The following SLC8A2 variants were observed in gnomAD, a reference collection of about 807,000 sequenced individuals.
The protein encoded by SLC8A2 is solute carrier family 8 member A2, also known as sodium/calcium exchanger 2.
Under a neutral mutation model 70.2 loss-of-function variants are expected in SLC8A2, and 14 were observed. That is an observed-to-expected ratio of 0.20 (90% CI 0.13 to 0.31). SLC8A2 has a LOEUF of 0.31. SLC8A2 is among the 10% of genes least tolerant of loss of function. The probability of loss-of-function intolerance (pLI) is 1.00; values close to 1 mark genes in which losing one functional copy is unlikely to be tolerated. For missense variants in SLC8A2, 779 were observed against 1,320.1 expected (o/e 0.59, Z 6.35); for synonymous variants, 575 against 594.3 (o/e 0.97, Z 0.47).
chr19:47,469,384 G>A (rs116143244), intron 1 of SLC8A2, among the ~76,000 whole-genome samples: 2,256 of 152,218 alleles, frequency 0.015, 40 homozygotes, highest in Middle Eastern at 0.054. Flanking sequence ...TTCTTCTAAA[G>A]CATCAAACCA....
chr19:47,450,879 G>C (rs1266008241), intron 3 of SLC8A2, among the ~76,000 whole-genome samples: 1 of 152,218 alleles, frequency 6.6e-6, no homozygotes, highest in East Asian at 1.9e-4. Flanking sequence ...AGCACCCAGA[G>C]GCACAGTTAG....
intron 4 of SLC8A2, among the ~76,000 whole-genome samples, chr19:47,445,235 AGTAGCTGGGATTACAG>A (rs960275942): frequency 6.6e-6 from 1 of 152,066 alleles, no homozygotes; most frequent in African/African-American, 2.4e-5. Flanking sequence ...CAGCCTCCCG[AGTAGCTGGGATTACAG>A]GTGCATGCCA....
At chr19:47,452,445 A>AGAGAGAGAGTGT (rs1568444583) in intron 3 of SLC8A2, among the ~76,000 whole-genome samples, 1 of 54,060 alleles carries the variant, frequency 1.8e-5, no homozygotes, top group Admixed American at 2.9e-4. Context: ...AGAGAGAGAG[A>AGAGAGAGAGTGT]GTGTGTGTGT....
intron 4 of SLC8A2, among the ~76,000 whole-genome samples, chr19:47,443,883 C>G (rs1457926966): frequency 6.6e-6 from 1 of 152,082 alleles, no homozygotes; most frequent in African/African-American, 2.4e-5. Flanking sequence ...CTGTCTCAGT[C>G]TCTTCTCATC....
At chr19:47,433,035 C>T (rs1966984397) in intron 8 of SLC8A2, among the ~76,000 whole-genome samples, 1 of 151,992 alleles carries the variant, frequency 6.6e-6, no homozygotes, top group South Asian at 2.1e-4. Context: ...TAAATGTGGC[C>T]AAGTCAATGC....
intron 4 of SLC8A2, among the ~76,000 whole-genome samples, chr19:47,442,008 A>G (rs184432457): frequency 4.0e-4 from 61 of 152,338 alleles, no homozygotes; most frequent in African/African-American, 1.5e-3. Flanking sequence ...AGGCTGAGGC[A>G]GGAGAATTGC....
At chr19:47,435,549 C>A (rs867969125) in intron 8 of SLC8A2, among the ~76,000 whole-genome samples, 1 of 120,326 alleles carries the variant, frequency 8.3e-6, no homozygotes, top group Non-Finnish European at 1.6e-5. Context: ...TTCTTTTCTT[C>A]GTTTTTTTTT....
Position 47,429,670 on chromosome 19 carries a change from A to C in SLC8A2, c.*419T>G. ...GGAGGGTGGGTTCTGAGGCTCTGGG[A>C]CATGGGGTGAAGTGGGGGGGGGGTC... On this transcript the variant is annotated 3_prime_UTR_variant, in exon 10 of 10. Coordinates refer to ENST00000236877, the MANE Select transcript of SLC8A2 (RefSeq NM_015063.3). 1.5e-5 allele frequency: 2 copies of C among 132,650 alleles called. No individual in the cohort carries two copies. The highest frequency in any genetic ancestry group is 2.4e-4 in the East Asian group (1 of 4,136). The allele number at this position is 132,650 out of a possible 1,614,324, so 8.2% of individuals were successfully genotyped here. A position where few individuals can be genotyped will look rare whatever the true frequency, so the allele number is the denominator to read the frequency against.
At chr19:47,454,556 G>A (rs1599854743) in intron 3 of SLC8A2, among the ~76,000 whole-genome samples, 1 of 152,158 alleles carries the variant, frequency 6.6e-6, no homozygotes, top group African/African-American at 2.4e-5. Context: ...GGAGGCTGAG[G>A]TGGGAGGATC....
rs1967172788 is a variant in SLC8A2, at chr19:47,447,094, G to A, written c.1763+715C>T. Among the ~76,000 whole-genome samples, 1 of 151,060 alleles carries A rather than the reference G, an allele frequency of 6.6e-6. No homozygotes were observed. The highest frequency in any genetic ancestry group is 1.5e-5 in the Non-Finnish European group (1 of 67,830). On this transcript the variant is annotated intron_variant, in intron 4 of 9. Coordinates refer to ENST00000236877, the MANE Select transcript of SLC8A2 (RefSeq NM_015063.3). The surrounding 1 kb of genome is among the most constrained non-coding windows in gnomAD (Gnocchi z 5.1). Reference sequence around the variant, plus strand: ...CGTTAGGTGCCCCGCTATTTCCCCAGGTTCTTCCTCATACCCAGAAGCCCC... The same window carrying A: ...CGTTAGGTGCCCCGCTATTTCCCCAAGTTCTTCCTCATACCCAGAAGCCCC...
At chr19:47,437,762 G>A (rs1967048964) in intron 7 of SLC8A2, 87 bp downstream of exon 7, 5 of 1,526,820 alleles carry the variant, frequency 3.3e-6, no homozygotes, top group Non-Finnish European at 4.5e-6. Flanking sequence ...CTTGATCTTA[G>A]GAACCTTGTG....
intron 2 of SLC8A2, among the ~76,000 whole-genome samples, chr19:47,460,549 T>G (rs1967381246): frequency 6.6e-6 from 1 of 151,670 alleles, no homozygotes; most frequent in Non-Finnish European, 1.5e-5. Flanking sequence ...AATACAAAAT[T>G]AGCCAGGCAT....
At chr19:47,470,386 C>CACACACACA (rs1555751643) in intron 1 of SLC8A2, among the ~76,000 whole-genome samples, 4 of 149,756 alleles carry the variant, frequency 2.7e-5, no homozygotes, top group Non-Finnish European at 4.4e-5. Context: ...CACACACACA[C>CACACACACA]ACCAGGGCTA....
At chr19:47,437,744 T>C in intron 7 of SLC8A2, 105 bp downstream of exon 7, 4 of 1,420,602 alleles carry the variant, frequency 2.8e-6, no homozygotes, top group Non-Finnish European at 4.0e-6. Flanking sequence ...CGTGGGACCC[T>C]TCTTTGGCTT....
At chr19:47,471,220 A>T (rs1490573287) in intron 1 of SLC8A2, among the ~76,000 whole-genome samples, 1 of 151,818 alleles carries the variant, frequency 6.6e-6, no homozygotes, top group Non-Finnish European at 1.5e-5. Context: ...GACACAGGAA[A>T]GCTGAGACAA....
intron 2 of SLC8A2, among the ~76,000 whole-genome samples, chr19:47,458,861 T>C (rs1420912289): frequency 2.7e-5 from 4 of 148,738 alleles, no homozygotes; most frequent in African/African-American, 9.9e-5. Flanking sequence ...AGTTTCTATT[T>C]CCCTCTTGTC....
chr19:47,458,958 GTCTCTGCTCA>G (rs1365531903), intron 2 of SLC8A2, among the ~76,000 whole-genome samples: 1 of 134,174 alleles, frequency 7.5e-6, no homozygotes, highest in Non-Finnish European at 1.6e-5. Flanking sequence ...CTCTGTCTCT[GTCTCTGCTCA>G]TCTCTGCCTC....
Position 47,447,339 on chromosome 19 carries a change from C to G in SLC8A2, c.1763+470G>C, listed in dbSNP as rs1471162056. On this transcript the variant is annotated intron_variant, in intron 4 of 9. Transcript: ENST00000236877. This position sits in a 1 kb window ranked among gnomAD's most constrained non-coding sequence, Gnocchi z 5.1. ...TGGGTACTCTTCAGCACACACTCCA[C>G]GAGCTACCAATTAAGGCCCCACACC... The G allele has an allele frequency of 5.1e-6, 1 of 194,812 alleles. No individual in the cohort carries two copies. Among genetic ancestry groups the G allele is most frequent in the Non-Finnish European group, 1.0e-5 (1 of 95,274 alleles). 12.1% of individuals were successfully genotyped at this position (194,812 alleles called of 1,614,324 possible). A position where few individuals can be genotyped will look rare whatever the true frequency, so the allele number is the denominator to read the frequency against.
rs1406066384 is a variant in SLC8A2 at position 47,465,507 on chromosome 19, C to G, written c.675+222G>C. 6.6e-6 allele frequency among the ~76,000 whole-genome samples: 1 copy of G among 152,142 alleles called. No homozygotes were observed. Among genetic ancestry groups the G allele is most frequent in the Non-Finnish European group, 1.5e-5 (1 of 68,016 alleles). ...TTTGCTGCACCCTCCAGAGATATGG[C>G]TGGGTAGCATCAGCAGGACTCCAGC... On this transcript the variant is annotated intron_variant, in intron 2 of 9. Transcript: ENST00000236877. This position sits in a 1 kb window ranked among gnomAD's most constrained non-coding sequence, Gnocchi z 5.5.
Sources: gnomAD v4.1 joint callset for allele counts (sites outside exome capture counted in the v4.1 genomes callset) on GRCh38, gnomAD v4.1.1 for gene constraint, Gnocchi (gnomAD v3.1) non-coding constraint, MANE v1.5 for transcripts, NCBI Gene and HGNC (gene_info 2026-07-23, HGNC 2026-07-21) for gene names.